Variants in PXDNL observed in about 807,000 individuals in gnomAD.
PXDNL encodes the protein peroxidasin like, also known as probable oxidoreductase PXDNL.
In PXDNL, 145 loss-of-function variants were observed where a neutral mutation model predicts 150.8. The ratio of observed to expected loss-of-function variants is 0.96; its 90% confidence interval spans 0.84 to 1.10. PXDNL has a LOEUF of 1.10. Ranked by LOEUF, PXDNL falls within the 50% of genes least tolerant of loss-of-function variation. The pLI, the probability that PXDNL is intolerant of heterozygous loss-of-function variation, is 0.00. For missense variants in PXDNL, 2,087 were observed against 1,873.9 expected, an observed-to-expected ratio of 1.11 and a Z score of -2.10; for synonymous variants, 757 against 725.7, an observed-to-expected ratio of 1.04 and a Z score of -0.69.
chr8:51,720,370 T>C (rs1236948101), intron 1 of PXDNL, among the ~76,000 whole-genome samples: 1 of 152,144 alleles, frequency 6.6e-6, no homozygotes, highest in Non-Finnish European at 1.5e-5. Flanking sequence ...AGGGTTTTCA[T>C]TCATGTTTAT....
At chr8:51,661,746 C>T (rs982643226) in intron 1 of PXDNL, among the ~76,000 whole-genome samples, 3 of 152,146 alleles carry the variant, frequency 2.0e-5, no homozygotes, top group African/African-American at 7.2e-5. Context: ...GTAGGGAGAC[C>T]ACAGTGTGAG....
intron 4 of PXDNL, among the ~76,000 whole-genome samples, chr8:51,548,302 C>T (rs995686834): frequency 3.9e-5 from 6 of 152,102 alleles, no homozygotes; most frequent in African/African-American, 1.4e-4. Context: ...CCTGAACTTT[C>T]TAGAGGTCTA....
intron 2 of PXDNL, among the ~76,000 whole-genome samples, chr8:51,645,921 G>A (rs1246065088): frequency 6.6e-6 from 1 of 152,088 alleles, no homozygotes; most frequent in Non-Finnish European, 1.5e-5. Flanking sequence ...GAAGGTGAGT[G>A]TAAGGAAAGT....
intron 2 of PXDNL, among the ~76,000 whole-genome samples, chr8:51,640,334 G>C (rs1168705733): frequency 6.1e-4 from 90 of 147,708 alleles, no homozygotes; most frequent in East Asian, 3.9e-3. Flanking sequence ...ATTCAACATA[G>C]TGTTGGAAGT....
intron 5 of PXDNL, among the ~76,000 whole-genome samples, chr8:51,493,244 A>G (rs1330377631): frequency 6.6e-6 from 1 of 152,190 alleles, no homozygotes; most frequent in African/African-American, 2.4e-5. Flanking sequence ...AGGAAAACTA[A>G]CAAACAGAAA....
At chr8:51,753,516 T>C (rs574126670) in intron 1 of PXDNL, among the ~76,000 whole-genome samples, 3 of 152,366 alleles carry the variant, frequency 2.0e-5, no homozygotes, top group Non-Finnish European at 4.4e-5. Flanking sequence ...AGTATCTTTT[T>C]ATGTGTTCAT....
In PXDNL at chr8:51,413,274, C is replaced by A; in HGVS notation, c.1796-16G>T. On this transcript the variant is annotated splice_polypyrimidine_tract_variant and intron_variant, in intron 14 of 22. Transcript: ENST00000356297. ...CCCTGTATAGCTTTGAAAATCAATT[C>A]CATGATTAAAAATATCAAACAGACC... is the stretch of plus-strand genomic sequence containing the variant. 1.3e-6 allele frequency: 2 copies of A among 1,487,680 alleles called. No individual in the cohort carries two copies. Among genetic ancestry groups the A allele is most frequent in the African/African-American group, 1.4e-5 (1 of 72,320 alleles). The allele number at this position is 1,487,680 out of a possible 1,614,324, so 92.2% of individuals were successfully genotyped here. A position where few individuals can be genotyped will look rare whatever the true frequency, so the allele number is the denominator to read the frequency against.
rs372157821 is a variant in PXDNL, at chr8:51,344,049, C to T, written c.4016+1784G>A. 3.7e-4 allele frequency among the ~76,000 whole-genome samples: 56 copies of T among 152,254 alleles called. 1 individual carries two copies. The highest frequency in any genetic ancestry group is 1.2e-3 in the African/African-American group (50 of 41,540). On this transcript the variant is annotated intron_variant, in intron 20 of 22. Coordinates refer to ENST00000356297, the MANE Select transcript of PXDNL (RefSeq NM_144651.5). ...CAGAATGTTCTGGAAGAATGTTCTTCATTCCTAGTTATTGAACACACCAAC... is the reference window on the plus strand; with the variant it reads ...CAGAATGTTCTGGAAGAATGTTCTTTATTCCTAGTTATTGAACACACCAAC...
intron 14 of PXDNL, among the ~76,000 whole-genome samples, chr8:51,418,729 C>A (rs930279132): frequency 6.6e-6 from 1 of 152,140 alleles, no homozygotes; most frequent in African/African-American, 2.4e-5. Flanking sequence ...AGAAAAGGTC[C>A]CACTAACCTA....
At chr8:51,557,807 A>G (rs1202187512) in intron 3 of PXDNL, among the ~76,000 whole-genome samples, 2 of 152,144 alleles carry the variant, frequency 1.3e-5, no homozygotes, top group African/African-American at 4.8e-5. Context: ...CATCAAAATC[A>G]CAGTTCTGCC....
chr8:51,340,011 G>A (rs1278748677), intron 20 of PXDNL: 1 of 285,120 alleles, frequency 3.5e-6, no homozygotes, highest in African/African-American at 2.2e-5. Context: ...TGACATAAAG[G>A]AAATTTCATG....
At chr8:51,433,209 AAATAATAATAATAAT>A (rs71237206) in intron 12 of PXDNL, among the ~76,000 whole-genome samples, 27,249 of 144,084 alleles carry the variant, frequency 0.19, 2,905 homozygotes, top group East Asian at 0.32. Flanking sequence ...ACTCTATCTC[AAATAATAATAATAAT>A]AATAATAATA....
At chr8:51,394,004 T>C (rs998300066) in intron 17 of PXDNL, among the ~76,000 whole-genome samples, 1 of 152,252 alleles carries the variant, frequency 6.6e-6, no homozygotes, top group Non-Finnish European at 1.5e-5. Context: ...GCATCAACTT[T>C]GGAATCATAT....
chr8:51,657,536 C>A (rs1405211892), intron 1 of PXDNL, among the ~76,000 whole-genome samples: 1 of 152,096 alleles, frequency 6.6e-6, no homozygotes, highest in South Asian at 2.1e-4. Context: ...ACAGTTTGGT[C>A]GTTTCCAAAT....
At chr8:51,432,107 A>G (rs573546636) in intron 12 of PXDNL, among the ~76,000 whole-genome samples, 1 of 152,328 alleles carries the variant, frequency 6.6e-6, no homozygotes, top group African/African-American at 2.4e-5. Context: ...AAAAAGAGTT[A>G]AATGTTTTAA....
At chr8:51,427,412 T>C (rs1238402225) in intron 12 of PXDNL, among the ~76,000 whole-genome samples, 1 of 151,778 alleles carries the variant, frequency 6.6e-6, no homozygotes, top group East Asian at 1.9e-4. Flanking sequence ...CTCACCCTAA[T>C]ATCAAAACCA....
intron 1 of PXDNL, among the ~76,000 whole-genome samples, chr8:51,689,625 G>A (rs1436866558): frequency 2.0e-5 from 3 of 151,620 alleles, no homozygotes; most frequent in Admixed American, 1.3e-4. Context: ...CCACCCCAGT[G>A]CGCCCTATGC....
chr8:51,383,489 A>G (rs1398669841), intron 17 of PXDNL, among the ~76,000 whole-genome samples: 1 of 152,200 alleles, frequency 6.6e-6, no homozygotes, highest in African/African-American at 2.4e-5. Context: ...CAGCAAATAC[A>G]AAGGGCGCTG....
chr8:51,805,859 A>C (rs915429244), intron 1 of PXDNL, among the ~76,000 whole-genome samples: 3 of 152,196 alleles, frequency 2.0e-5, no homozygotes, highest in African/African-American at 7.2e-5. Context: ...GTACAACCTA[A>C]TGACCCTGGA....
Sources: allele counts gnomAD v4.1 joint callset (sites outside exome capture counted in the v4.1 genomes callset), GRCh38; gene constraint gnomAD v4.1.1; transcripts MANE v1.5; gene names NCBI Gene and HGNC (gene_info 2026-07-23, HGNC 2026-07-21).